Variants in ETFA observed in about 807,000 individuals in gnomAD.
The protein encoded by ETFA is electron transfer flavoprotein subunit alpha, mitochondrial.
ETFA carries 22 observed loss-of-function variants against 46.2 expected under a neutral mutation model. The observed-to-expected ratio is 0.48, with a 90% CI of 0.34 to 0.68. The LOEUF is 0.68. Among genes scored for constraint, ETFA ranks in the 30% least tolerant of loss-of-function variants. ETFA has a pLI of 0.01. For synonymous variants in ETFA, 131 were observed against 139.9 expected (o/e 0.94, Z 0.45); for missense variants, 345 against 401.1 (o/e 0.86, Z 1.19).
chr15:76,225,732 C>G (rs1349714604), intron 11 of ETFA, 117 bp downstream of exon 11: 31 of 792,952 alleles, frequency 3.9e-5, no homozygotes, highest in Non-Finnish European at 6.6e-5. Context: ...AGTATACATA[C>G]AAACACAGAC....
At chr15:76,260,568 T>C (rs1254314354) in intron 9 of ETFA, 3 of 1,495,132 alleles carry the variant, frequency 2.0e-6, no homozygotes, top group Admixed American at 1.8e-5. Flanking sequence ...GCCTGTCAAA[T>C]TGGCCCTGGT....
chr15:76,301,417 G>A (rs951451927), intron 1 of ETFA, among the ~76,000 whole-genome samples: 2 of 152,114 alleles, frequency 1.3e-5, no homozygotes, highest in South Asian at 2.1e-4. Context: ...TTTTTTTAAA[G>A]AACTCTTCGT....
chr15:76,228,690 T>G (rs2039030376), intron 10 of ETFA: 1 of 153,352 alleles, frequency 6.5e-6, no homozygotes, highest in Non-Finnish European at 1.4e-5. Flanking sequence ...CAAGCTCAAG[T>G]TCTTCCTCCT....
chr15:76,216,840 C>T (rs1291835102), intron 11 of ETFA, among the ~76,000 whole-genome samples: 4 of 89,278 alleles, frequency 4.5e-5, no homozygotes, highest in African/African-American at 4.7e-5. Flanking sequence ...TGCCTTTTGC[C>T]TTTTTTTTTT....
chr15:76,263,045 C>T (rs890507914), intron 9 of ETFA, among the ~76,000 whole-genome samples: 1 of 152,204 alleles, frequency 6.6e-6, no homozygotes, highest in African/African-American at 2.4e-5. Flanking sequence ...TAGCACTCCC[C>T]TTATCTCAAG....
At chr15:76,262,808 C>A (rs996378237) in intron 9 of ETFA, among the ~76,000 whole-genome samples, 2 of 151,882 alleles carry the variant, frequency 1.3e-5, no homozygotes, top group Non-Finnish European at 2.9e-5. Flanking sequence ...TAAAGATCTA[C>A]GATAAAGATA....
In ETFA at chr15:76,259,445, A is replaced by G. The variant is rs556856015; in HGVS notation, c.816+14967T>C. ...GTGGGAGTGTAAGAACGTCCTCCAT[A>G]CACTCTGGAAGCTGTTTCAGGTGAT... On this transcript the variant is annotated intron_variant, in intron 9 of 11. Transcript: ENST00000557943. 17 of 997,696 alleles carry G rather than the reference A, an allele frequency of 1.7e-5. No homozygotes were observed. The Admixed American group carries it at 2.9e-4, about 17-fold the overall frequency. 61.8% of individuals were successfully genotyped at this position (997,696 alleles called of 1,614,324 possible).
intron 1 of ETFA, among the ~76,000 whole-genome samples, chr15:76,306,860 G>A (rs757986280): frequency 6.6e-6 from 1 of 152,054 alleles, no homozygotes; most frequent in Non-Finnish European, 1.5e-5. Flanking sequence ...AGACACATTG[G>A]CAGGCATCAT....
intron 9 of ETFA, among the ~76,000 whole-genome samples, chr15:76,239,753 C>T (rs977893139): frequency 1.3e-5 from 2 of 150,074 alleles, no homozygotes; most frequent in Non-Finnish European, 1.5e-5. Context: ...CAAGATGAGA[C>T]CTGGTGAAGA....
At chr15:76,270,987 T>G (rs936390224) in intron 9 of ETFA, among the ~76,000 whole-genome samples, 6 of 152,042 alleles carry the variant, frequency 3.9e-5, no homozygotes, top group African/African-American at 1.4e-4. Flanking sequence ...CTAGCCAATA[T>G]GGCAAAACCC....
Position 76,311,355 on chromosome 15 carries a change from G to A in ETFA, c.34C>T (p.Arg12Trp). 6.4e-7 allele frequency: 1 copy of A among 1,559,274 alleles called. No individual in the cohort carries two copies. ...FRAAAPGQLR[R>W]AASLLRFQST... is the part of the protein sequence containing the mutation. Reference sequence around the variant, plus strand: ...CCTTCCCAGTCCGGACTCACCGCCCGCCGGAGCTGCCCCGGAGCCGCCGCT... The same window carrying A: ...CCTTCCCAGTCCGGACTCACCGCCCACCGGAGCTGCCCCGGAGCCGCCGCT... Residue 12 changes from arginine to tryptophan, a missense_variant, in exon 1 of 12, where the codon CGG becomes TGG. Coordinates refer to ENST00000557943, the MANE Select transcript of ETFA (RefSeq NM_000126.4).
chr15:76,217,648 G>T (rs1445074920), intron 11 of ETFA: 1 of 455,718 alleles, frequency 2.2e-6, no homozygotes, highest in Non-Finnish European at 4.4e-6. Flanking sequence ...CTTTGTGACT[G>T]CTTGGACAGA....
At chr15:76,308,941 T>A (rs2039962204) in intron 1 of ETFA, among the ~76,000 whole-genome samples, 1 of 152,240 alleles carries the variant, frequency 6.6e-6, no homozygotes, top group Non-Finnish European at 1.5e-5. Context: ...AGCAAATGTG[T>A]CAAACTGCTA....
chr15:76,231,187 G>A (rs888641303), intron 10 of ETFA, 146 bp downstream of exon 10: 11 of 683,922 alleles, frequency 1.6e-5, no homozygotes, highest in East Asian at 5.3e-5. Context: ...GGCAGTGAAC[G>A]GTAGCTTTTA....
At chr15:76,240,512 T>G (rs1396046852) in intron 9 of ETFA, among the ~76,000 whole-genome samples, 1 of 152,214 alleles carries the variant, frequency 6.6e-6, no homozygotes, top group Non-Finnish European at 1.5e-5. Context: ...ACGTCACATT[T>G]TTTGTTCAAA....
intron 1 of ETFA, among the ~76,000 whole-genome samples, chr15:76,305,287 G>A (rs2039929134): frequency 6.6e-6 from 1 of 152,188 alleles, no homozygotes; most frequent in Non-Finnish European, 1.5e-5. Context: ...GACTAGGTCT[G>A]TCTTGTTCTC....
chr15:76,309,405 C>T (rs1001652041), intron 1 of ETFA, among the ~76,000 whole-genome samples: 1 of 151,972 alleles, frequency 6.6e-6, no homozygotes, highest in Non-Finnish European at 1.5e-5. Context: ...GAGCTGAGAT[C>T]GCGCCACTGC....
At position 76,311,390 on chromosome 15, in the gene ETFA, G is replaced by C; in HGVS notation, c.-2C>G. On this transcript the variant is annotated 5_prime_UTR_variant, in exon 1 of 12. Coordinates refer to ENST00000557943, the MANE Select transcript of ETFA (RefSeq NM_000126.4). ...CCCCGGAGCCGCCGCTCGGAACATG[G>C]TCTCCGCTTCCGCCGCAACCTCGGC... 2 of 1,562,292 alleles carry C rather than the reference G, an allele frequency of 1.3e-6. No individual in the cohort carries two copies. Among genetic ancestry groups the C allele is most frequent in the Non-Finnish European group, 8.7e-7 (1 of 1,154,414 alleles).
intron 10 of ETFA, among the ~76,000 whole-genome samples, chr15:76,227,203 G>A (rs1382654376): frequency 6.6e-6 from 1 of 152,032 alleles, no homozygotes; most frequent in Non-Finnish European, 1.5e-5. Context: ...TTCAAGACCA[G>A]CCTGCGCAAC....
Sources: gnomAD v4.1 joint callset for allele counts (sites outside exome capture counted in the v4.1 genomes callset) on GRCh38, gnomAD v4.1.1 for gene constraint, MANE v1.5 for transcripts, NCBI Gene and HGNC (gene_info 2026-07-23, HGNC 2026-07-21) for gene names.